KIAA1671: variants seen among roughly 807,000 people sequenced by gnomAD.
KIAA1671 encodes the protein KIAA1671, also known as uncharacterized protein KIAA1671.
Under a neutral mutation model 131.2 loss-of-function variants are expected in KIAA1671, and 52 were observed. That is an observed-to-expected ratio of 0.40 (90% CI 0.32 to 0.50). The LOEUF (loss-of-function observed/expected upper bound fraction) is 0.50. Ranked by LOEUF, KIAA1671 falls within the 20% of genes least tolerant of loss-of-function variation. KIAA1671 has a pLI of 0.73. For missense variants in KIAA1671, 2,360 were observed against 2,364.2 expected, an observed-to-expected ratio of 1.00 and a Z score of 0.04; for synonymous variants, 1,003 against 961.6, an observed-to-expected ratio of 1.04 and a Z score of -0.80.
chr22:25,116,163 C>T (rs527812745), intron 6 of KIAA1671, among the ~76,000 whole-genome samples: 6 of 152,294 alleles, frequency 3.9e-5, no homozygotes, highest in East Asian at 3.9e-4. Flanking sequence ...ACCACAGCCT[C>T]GATACCCTGC....
intron 6 of KIAA1671, among the ~76,000 whole-genome samples, chr22:25,154,009 C>T (rs1933139437): frequency 6.6e-6 from 1 of 152,204 alleles, no homozygotes; most frequent in African/African-American, 2.4e-5. Flanking sequence ...TTCGCTGCTT[C>T]AGGCATTCTT....
intron 1 of KIAA1671, chr22:25,022,496 G>A (rs1226727176): frequency 2.0e-5 from 3 of 152,232 alleles, no homozygotes; most frequent in Non-Finnish European, 4.4e-5. Context: ...ACAAATGAAT[G>A]CTTTCGAATG....
chr22:25,180,730 C>G (rs1934238881), intron 9 of KIAA1671, among the ~76,000 whole-genome samples: 1 of 152,138 alleles, frequency 6.6e-6, no homozygotes, highest in Admixed American at 6.5e-5. Context: ...TTGCTTCTGA[C>G]CAGATACCTT....
At chr22:24,984,696 G>A (rs775059027) in intron 1 of KIAA1671, among the ~76,000 whole-genome samples, 1 of 152,116 alleles carries the variant, frequency 6.6e-6, no homozygotes, top group Non-Finnish European at 1.5e-5. Context: ...GGCGGATCAT[G>A]AGGTCGGGAG....
Position 25,040,512 on chromosome 22 carries a change from G to A in KIAA1671, c.3382G>A (p.Asp1128Asn). 1 of 1,551,860 alleles carries A rather than the reference G, an allele frequency of 6.4e-7. No individual in the cohort carries two copies. Among genetic ancestry groups the A allele is most frequent in the Non-Finnish European group, 8.7e-7 (1 of 1,147,024 alleles). Residue 1128 changes from aspartate to asparagine, a missense_variant, in exon 5 of 13, where the codon GAT (aspartate) becomes AAT (asparagine). Asp to Asn is a conservative substitution (Grantham distance 23). Around this residue, in one of 3 missense-constraint regions of KIAA1671, gnomAD observed 1,161 missense variants for 1,204.7 expected, o/e 0.96. Coordinates refer to ENST00000358431, the MANE Select transcript of KIAA1671 (RefSeq NM_001145206.2). ...TTTCAATGGAAGAATCATTGATGTG[G>A]ATGCCTTATGGAGTCATCGGGGATC... The part of the protein sequence containing the change: ...DPFNGRIIDV[D>N]ALWSHRGSED...
intron 6 of KIAA1671, chr22:25,053,025 TTTA>T (rs1036400900): frequency 7.2e-5 from 11 of 152,256 alleles, no homozygotes; most frequent in African/African-American, 2.4e-4. Context: ...TTATTATTAT[TTTA>T]TTATTATTTG....
chr22:25,046,354 G>A (rs1424531674), intron 5 of KIAA1671, among the ~76,000 whole-genome samples: 2 of 102,104 alleles, frequency 2.0e-5, no homozygotes, highest in African/African-American at 5.9e-5. Context: ...CTTGGGTGAG[G>A]GTTTCTTGAT....
chr22:24,954,941 C>T (rs751909848), intron 1 of KIAA1671, among the ~76,000 whole-genome samples: 47 of 152,084 alleles, frequency 3.1e-4, no homozygotes, highest in Non-Finnish European at 5.7e-4. Context: ...CCACTCTGCC[C>T]GGCTAATTTT....
chr22:25,089,715 T>G (rs1422461072), intron 6 of KIAA1671, among the ~76,000 whole-genome samples: 1 of 152,244 alleles, frequency 6.6e-6, no homozygotes, highest in African/African-American at 2.4e-5. Context: ...CTTTATATTC[T>G]TCCTTGCACT....
At chr22:25,015,178 T>G (rs1925237091) in intron 1 of KIAA1671, 1 of 146,182 alleles carries the variant, frequency 6.8e-6, no homozygotes, top group Non-Finnish European at 1.5e-5. Flanking sequence ...AGATTGAGAC[T>G]GCAGTGAGCT....
At position 25,185,304 on chromosome 22, in the gene KIAA1671, C is replaced by T. The variant is rs529010382; in HGVS notation, c.5342+185C>T. On this transcript the variant is annotated intron_variant, in intron 11 of 12. Coordinates refer to ENST00000358431, the MANE Select transcript of KIAA1671 (RefSeq NM_001145206.2). The stretch of plus-strand genomic sequence containing the variant: ...GATACCTAAAAAGTACAACAGAGGC[C>T]GGGGAAGGAGGCCAGGAATCAGGCC... 4.6e-4 allele frequency: 311 copies of T among 679,466 alleles called. 1 individual carries two copies. The African/African-American group carries it at 5.1e-3, about 11-fold the overall frequency. 42.1% of individuals were successfully genotyped at this position (679,466 alleles called of 1,614,324 possible). A position where few individuals can be genotyped will look rare whatever the true frequency, so the allele number is the denominator to read the frequency against.
intron 6 of KIAA1671, among the ~76,000 whole-genome samples, chr22:25,084,779 C>T (rs1318169594): frequency 6.6e-6 from 1 of 152,194 alleles, no homozygotes; most frequent in Non-Finnish European, 1.5e-5. Context: ...GTGTTTGGTG[C>T]ATGTGATGGT....
At chr22:25,147,287 G>T (rs566557915) in intron 6 of KIAA1671, among the ~76,000 whole-genome samples, 2 of 151,918 alleles carry the variant, frequency 1.3e-5, no homozygotes, top group African/African-American at 4.8e-5. Context: ...CCACCTCCCA[G>T]GTTCAAGTGA....
intron 5 of KIAA1671, among the ~76,000 whole-genome samples, chr22:25,045,366 A>G (rs1370760300): frequency 6.6e-6 from 1 of 152,164 alleles, no homozygotes; most frequent in Non-Finnish European, 1.5e-5. Flanking sequence ...AGAGGTTGCT[A>G]TTAGCGTCTC....
chr22:25,108,134 C>T (rs1354067278), intron 6 of KIAA1671, among the ~76,000 whole-genome samples: 1 of 152,142 alleles, frequency 6.6e-6, no homozygotes, highest in Non-Finnish European at 1.5e-5. Flanking sequence ...AAATATATAT[C>T]AGTTTTCATG....
intron 1 of KIAA1671, among the ~76,000 whole-genome samples, chr22:24,994,174 G>T (rs1367514202): frequency 6.6e-6 from 1 of 152,148 alleles, no homozygotes; most frequent in African/African-American, 2.4e-5. Flanking sequence ...AAAATGGGGT[G>T]TGTCTCCCCA....
At chr22:24,957,671 CTTTT>C (rs886130979) in intron 1 of KIAA1671, among the ~76,000 whole-genome samples, 4 of 100,318 alleles carry the variant, frequency 4.0e-5, no homozygotes, top group African/African-American at 1.7e-4. Flanking sequence ...TCTTTTGTTC[CTTTT>C]TTTTTTTTTT....
chr22:25,135,093 C>CA (rs1932614263), intron 6 of KIAA1671, among the ~76,000 whole-genome samples: 2 of 152,186 alleles, frequency 1.3e-5, no homozygotes, highest in African/African-American at 4.8e-5. Flanking sequence ...TATCCCTGCC[C>CA]CATCTCATTT....
chr22:25,068,777 G>A (rs1243900285), intron 6 of KIAA1671, among the ~76,000 whole-genome samples: 1 of 152,160 alleles, frequency 6.6e-6, no homozygotes, highest in Non-Finnish European at 1.5e-5. Flanking sequence ...TAGATGCTCT[G>A]CCTGGTGTCC....
Sources: gnomAD v4.1 joint callset for allele counts (sites outside exome capture counted in the v4.1 genomes callset) on GRCh38, gnomAD v4.1.1 for gene constraint, gnomAD v4.1.1 regional missense constraint, MANE v1.5 for transcripts, NCBI Gene and HGNC (gene_info 2026-07-23, HGNC 2026-07-21) for gene names.